EPB41L4B: variants seen among roughly 807,000 people sequenced by gnomAD.
The protein encoded by EPB41L4B is band 4.1-like protein 4B.
In EPB41L4B, 30 loss-of-function variants were observed where a neutral mutation model predicts 112.5. That is an observed-to-expected ratio of 0.27 (90% CI 0.20 to 0.36). The LOEUF (loss-of-function observed/expected upper bound fraction) is 0.36. EPB41L4B is among the 10% of genes least tolerant of loss of function. EPB41L4B has a pLI of 1.00. For synonymous variants in EPB41L4B, 408 were observed against 439.7 expected, an observed-to-expected ratio of 0.93 and a Z score of 0.90; for missense variants, 1,024 against 1,133.3, an observed-to-expected ratio of 0.90 and a Z score of 1.38.
intron 6 of EPB41L4B, among the ~76,000 whole-genome samples, chr9:109,259,323 A>C (rs1389303039): frequency 6.6e-6 from 1 of 152,252 alleles, no homozygotes; most frequent in East Asian, 1.9e-4. Context: ...GCTGGTTAAA[A>C]TGCACATCAC....
rs1335801263 is a variant in EPB41L4B, at chr9:109,267,372, C to G, written c.533+101G>C. 4.3e-6 allele frequency: 3 copies of G among 701,728 alleles called. No individual in the cohort carries two copies. In the South Asian group the frequency reaches 5.7e-5, roughly 13 times the overall value. 43.5% of individuals were successfully genotyped at this position (701,728 alleles called of 1,614,324 possible). ...CTAATAACTCTTGCTGAGAAATAGACAGCAGACAGAAGAAGAGGCAAACCC... is the reference window on the plus strand; with the variant it reads ...CTAATAACTCTTGCTGAGAAATAGAGAGCAGACAGAAGAAGAGGCAAACCC... On this transcript the variant is annotated intron_variant, in intron 4 of 25. Coordinates refer to ENST00000374566, the MANE Select transcript of EPB41L4B (RefSeq NM_019114.5).
chr9:109,223,802 T>C (rs1385511860), intron 15 of EPB41L4B, among the ~76,000 whole-genome samples: 1 of 152,104 alleles, frequency 6.6e-6, no homozygotes, highest in Non-Finnish European at 1.5e-5. Context: ...GTGGATCACT[T>C]GAGGTCAGGA....
chr9:109,183,067 C>G (rs571025021), intron 23 of EPB41L4B, among the ~76,000 whole-genome samples: 7 of 152,244 alleles, frequency 4.6e-5, no homozygotes, highest in Admixed American at 1.3e-4. Context: ...CTTGCCTCCC[C>G]CTGGAGCTGC....
At chr9:109,261,599 C>T (rs1279542112) in intron 6 of EPB41L4B, among the ~76,000 whole-genome samples, 1 of 152,092 alleles carries the variant, frequency 6.6e-6, no homozygotes. Flanking sequence ...TGACAAAATA[C>T]ACATACTAAA....
intron 20 of EPB41L4B, among the ~76,000 whole-genome samples, chr9:109,199,784 G>A (rs574402343): frequency 6.6e-6 from 1 of 152,320 alleles, no homozygotes; most frequent in South Asian, 2.1e-4. Flanking sequence ...GGAGAAGGCT[G>A]GAGAGACCTA....
At chr9:109,260,986 A>G (rs1835179777) in intron 6 of EPB41L4B, among the ~76,000 whole-genome samples, 1 of 152,158 alleles carries the variant, frequency 6.6e-6, no homozygotes, top group Admixed American at 6.5e-5. Context: ...CCAGTGGATT[A>G]ATGGCCTTCC....
chr9:109,303,568 G>C (rs996259347), intron 1 of EPB41L4B, among the ~76,000 whole-genome samples: 3 of 152,048 alleles, frequency 2.0e-5, no homozygotes, highest in Non-Finnish European at 4.4e-5. Context: ...TCCCAGGCTG[G>C]TCTCAAACTC....
At chr9:109,191,729 T>C (rs7048723) in intron 22 of EPB41L4B, among the ~76,000 whole-genome samples, 21,740 of 152,004 alleles carry the variant, frequency 0.14, 3,182 homozygotes, top group African/African-American at 0.37. Context: ...TTTTTGGAAA[T>C]TGACCCTAAT....
intron 1 of EPB41L4B, among the ~76,000 whole-genome samples, chr9:109,315,677 C>A (rs975043814): frequency 6.6e-6 from 1 of 152,236 alleles, no homozygotes; most frequent in East Asian, 1.9e-4. Context: ...TCCAATGGGC[C>A]GGGGAGGTGC....
chr9:109,309,724 A>T (rs1837341927), intron 1 of EPB41L4B, among the ~76,000 whole-genome samples: 1 of 151,696 alleles, frequency 6.6e-6, no homozygotes, highest in South Asian at 2.1e-4. Context: ...ACACAACCAG[A>T]TCCCATCTCT....
At chr9:109,228,991 T>C (rs1323534885) in intron 15 of EPB41L4B, among the ~76,000 whole-genome samples, 2 of 152,246 alleles carry the variant, frequency 1.3e-5, no homozygotes, top group Non-Finnish European at 2.9e-5. Context: ...ACATATATGA[T>C]GTGATTATTT....
At chr9:109,241,882 A>G in intron 15 of EPB41L4B, 1 of 1,507,726 alleles carries the variant, frequency 6.6e-7, no homozygotes, top group South Asian at 1.2e-5. Flanking sequence ...AAACAACACA[A>G]GCACAAAGGA....
chr9:109,201,586 A>G (rs1450747168), intron 19 of EPB41L4B, among the ~76,000 whole-genome samples: 1 of 152,208 alleles, frequency 6.6e-6, no homozygotes, highest in Non-Finnish European at 1.5e-5. Flanking sequence ...TGGTCCCTGA[A>G]GAACGTATAG....
intron 1 of EPB41L4B, among the ~76,000 whole-genome samples, chr9:109,290,710 CATAT>C (rs138734040): frequency 1.3e-4 from 19 of 145,874 alleles, no homozygotes; most frequent in Admixed American, 1.4e-4. Flanking sequence ...GGAAACTAGC[CATAT>C]ATATATATAT....
At chr9:109,312,744 A>AACTC (rs987357686) in intron 1 of EPB41L4B, among the ~76,000 whole-genome samples, 2 of 152,180 alleles carry the variant, frequency 1.3e-5, no homozygotes, top group African/African-American at 2.4e-5. Context: ...TTTCAAAGGC[A>AACTC]ACTCACTCAC....
intron 17 of EPB41L4B, among the ~76,000 whole-genome samples, chr9:109,210,183 AT>A (rs1442385300): frequency 6.6e-6 from 1 of 152,190 alleles, no homozygotes; most frequent in Admixed American, 6.5e-5. Flanking sequence ...AAGCTGGCTC[AT>A]TTGACTGGAT....
At chr9:109,237,074 A>G (rs2118935546) in intron 15 of EPB41L4B, among the ~76,000 whole-genome samples, 1 of 152,344 alleles carries the variant, frequency 6.6e-6, no homozygotes, top group East Asian at 1.9e-4. Flanking sequence ...GGCAACAAAA[A>G]GACTCTGTCA....
At chr9:109,291,278 G>A (rs1836517679) in intron 1 of EPB41L4B, among the ~76,000 whole-genome samples, 1 of 152,092 alleles carries the variant, frequency 6.6e-6, no homozygotes, top group Non-Finnish European at 1.5e-5. Context: ...CATACAATAT[G>A]CCTTGCAAAC....
intron 15 of EPB41L4B, among the ~76,000 whole-genome samples, chr9:109,235,270 A>G (rs1834098207): frequency 6.6e-6 from 1 of 151,510 alleles, no homozygotes; most frequent in African/African-American, 2.4e-5. Context: ...GTCTTTATAT[A>G]TGTGTTAATG....
Sources: allele counts gnomAD v4.1 joint callset (sites outside exome capture counted in the v4.1 genomes callset), GRCh38; gene constraint gnomAD v4.1.1; transcripts MANE v1.5; gene names NCBI Gene and HGNC (gene_info 2026-07-23, HGNC 2026-07-21).